The following ARHGAP42 variants were observed in gnomAD, a reference collection of about 807,000 sequenced individuals.
The protein encoded by ARHGAP42 is Rho GTPase activating protein 42.
ARHGAP42 carries 63 observed loss-of-function variants against 125.0 expected under a neutral mutation model. The observed-to-expected ratio is 0.50, with a 90% confidence interval of 0.41 to 0.62. The LOEUF is 0.62. Among genes scored for constraint, ARHGAP42 ranks in the 20% least tolerant of loss-of-function variants. The probability of loss-of-function intolerance (pLI) is 0.00; values close to 1 mark genes in which losing one functional copy is unlikely to be tolerated. For missense variants in ARHGAP42, 766 were observed against 1,024.2 expected, an observed-to-expected ratio of 0.75 and a Z score of 3.44; for synonymous variants, 339 against 351.0, an observed-to-expected ratio of 0.97 and a Z score of 0.38.
At chr11:100,814,651 T>A (rs1864223940) in intron 3 of ARHGAP42, among the ~76,000 whole-genome samples, 1 of 152,110 alleles carries the variant, frequency 6.6e-6, no homozygotes, top group Non-Finnish European at 1.5e-5. Flanking sequence ...ACATCTTACA[T>A]GGCACAAACT....
At chr11:100,843,041 A>T (rs898355835) in intron 3 of ARHGAP42, among the ~76,000 whole-genome samples, 2 of 152,130 alleles carry the variant, frequency 1.3e-5, no homozygotes, top group African/African-American at 4.8e-5. Flanking sequence ...GTTCTTTGAA[A>T]AGTTAAATAA....
chr11:100,779,589 C>T (rs1249218569), intron 2 of ARHGAP42, among the ~76,000 whole-genome samples: 2 of 116,996 alleles, frequency 1.7e-5, no homozygotes, highest in East Asian at 4.4e-4. Context: ...TACATATATA[C>T]GTGTATATAT....
intron 4 of ARHGAP42, among the ~76,000 whole-genome samples, chr11:100,883,785 G>A (rs1343205530): frequency 1.3e-5 from 2 of 152,184 alleles, no homozygotes; most frequent in African/African-American, 4.8e-5. Context: ...CAGAAATAGG[G>A]ACAGATTTAG....
chr11:100,837,404 G>A (rs753269142), intron 3 of ARHGAP42, among the ~76,000 whole-genome samples: 8 of 151,772 alleles, frequency 5.3e-5, no homozygotes, highest in East Asian at 1.9e-4. Flanking sequence ...TTTGTTGTCC[G>A]TAAGGCTAGT....
intron 12 of ARHGAP42, among the ~76,000 whole-genome samples, chr11:100,951,387 C>T (rs1043816819): frequency 7.2e-5 from 11 of 152,044 alleles, no homozygotes; most frequent in African/African-American, 2.2e-4. Flanking sequence ...TTTGTATGTA[C>T]TGAATGTTCA....
chr11:100,984,233 T>G (rs1022054168), intron 22 of ARHGAP42, among the ~76,000 whole-genome samples: 36 of 152,218 alleles, frequency 2.4e-4, no homozygotes, highest in African/African-American at 7.9e-4. Flanking sequence ...AGAACAAATT[T>G]GTAAACTTTT....
At chr11:100,775,998 C>T (rs779955909) in intron 2 of ARHGAP42, among the ~76,000 whole-genome samples, 3 of 151,790 alleles carry the variant, frequency 2.0e-5, no homozygotes, top group Non-Finnish European at 2.9e-5. Flanking sequence ...CATCTCTACT[C>T]AAAATACAAA....
chr11:100,704,947 C>CAGCCTGGGTG (rs1391057202), intron 1 of ARHGAP42, among the ~76,000 whole-genome samples: 4 of 127,380 alleles, frequency 3.1e-5, no homozygotes, highest in African/African-American at 1.3e-4. Context: ...CACTGCACCA[C>CAGCCTGGGTG]AGCCTGGGTG....
At chr11:100,729,775 T>C (rs1046314663) in intron 1 of ARHGAP42, among the ~76,000 whole-genome samples, 1 of 152,026 alleles carries the variant, frequency 6.6e-6, no homozygotes, top group African/African-American at 2.4e-5. Flanking sequence ...TAACACTGTT[T>C]CCCCTGCTCT....
At chr11:100,770,242 A>G (rs1181479542) in intron 1 of ARHGAP42, 101 bp from the exon 2 acceptor site, 1 of 799,790 alleles carries the variant, frequency 1.3e-6, no homozygotes, top group Non-Finnish European at 2.0e-6. Flanking sequence ...ATTCTGGTTC[A>G]TATAATACAA....
At chr11:100,825,393 A>G (rs553145073) in intron 3 of ARHGAP42, among the ~76,000 whole-genome samples, 2 of 152,336 alleles carry the variant, frequency 1.3e-5, no homozygotes, top group African/African-American at 4.8e-5. Flanking sequence ...AAAATGCTGC[A>G]TTTAGTTTTA....
At chr11:100,964,553 A>G (rs538307565) in intron 16 of ARHGAP42, among the ~76,000 whole-genome samples, 2 of 152,298 alleles carry the variant, frequency 1.3e-5, no homozygotes, top group African/African-American at 4.8e-5. Context: ...TGTGAATCCT[A>G]TGAGTCAAGG....
rs190996619 is a variant in ARHGAP42, at chr11:100,910,558, C to T, written c.385-2894C>T. Among the ~76,000 whole-genome samples, 560 of 151,940 alleles carry T rather than the reference C, an allele frequency of 3.7e-3. 3 individuals are homozygous for T. Among genetic ancestry groups the T allele is most frequent in the African/African-American group, 0.013 (532 of 41,424 alleles). ...GGTTATTTTCCCCTTCCTTAAGCAG[C>T]GCTTATTTCAGAGAAAATTCTTAGT... On this transcript the variant is annotated intron_variant, in intron 4 of 23. Coordinates refer to ENST00000298815, the MANE Select transcript of ARHGAP42 (RefSeq NM_152432.4).
intron 3 of ARHGAP42, among the ~76,000 whole-genome samples, chr11:100,828,428 T>C (rs11224477): frequency 1.7e-4 from 26 of 152,290 alleles, no homozygotes; most frequent in Non-Finnish European, 2.9e-4. Flanking sequence ...AGCTTGTTTG[T>C]TCAAGGAAAC....
At chr11:100,696,313 G>T (rs959865407) in intron 1 of ARHGAP42, among the ~76,000 whole-genome samples, 2 of 152,050 alleles carry the variant, frequency 1.3e-5, no homozygotes, top group African/African-American at 4.8e-5. Context: ...CCAATTTTTA[G>T]ATTCTATGGT....
chr11:100,972,425 A>T (rs1858272210), intron 17 of ARHGAP42, among the ~76,000 whole-genome samples: 1 of 152,138 alleles, frequency 6.6e-6, no homozygotes, highest in Admixed American at 6.6e-5. Context: ...TTTTGATTTG[A>T]TTGTCAAGCC....
At chr11:100,943,917 C>A in intron 10 of ARHGAP42, 49 bp downstream of exon 10, 1 of 1,205,050 alleles carries the variant, frequency 8.3e-7, no homozygotes, top group Non-Finnish European at 1.2e-6. Context: ...TAAACGGTGT[C>A]TCTTTCTGTA....
chr11:100,896,785 A>G lies in ARHGAP42; in HGVS notation c.385-16667A>G, dbSNP rs1044367743. Among the ~76,000 whole-genome samples the G allele has an allele frequency of 3.1e-4, 47 of 152,092 alleles. 1 individual carries two copies. The highest frequency in any genetic ancestry group is 1.2e-3 in the Admixed American group (18 of 15,266). On this transcript the variant is annotated intron_variant, in intron 4 of 23. Transcript: ENST00000298815. ...TTGCAAAAATTTTCTTTCATTCTGT[A>G]GGTTGCCTGTTCACTCTGATGGTAG...
intron 2 of ARHGAP42, among the ~76,000 whole-genome samples, chr11:100,775,482 A>G (rs189106161): frequency 3.3e-5 from 5 of 152,228 alleles, no homozygotes; most frequent in Non-Finnish European, 7.3e-5. Context: ...ACACTCTTGC[A>G]TGGGAATTGA....
Sources: allele counts gnomAD v4.1 joint callset (sites outside exome capture counted in the v4.1 genomes callset), GRCh38; gene constraint gnomAD v4.1.1; transcripts MANE v1.5; gene names NCBI Gene and HGNC (gene_info 2026-07-23, HGNC 2026-07-21).